PEX14: variants seen among roughly 807,000 people sequenced by gnomAD.
PEX14 encodes the protein peroxisomal membrane protein PEX14.
Under a neutral mutation model 49.5 loss-of-function variants are expected in PEX14, and 15 were observed. The observed-to-expected ratio is 0.30, with a 90% CI of 0.20 to 0.47. The LOEUF (loss-of-function observed/expected upper bound fraction) is 0.47. Among genes scored for constraint, PEX14 ranks in the 20% least tolerant of loss-of-function variants. The pLI is 1.00. For synonymous variants in PEX14, 210 were observed against 212.7 expected, an observed-to-expected ratio of 0.99 and a Z score of 0.11; for missense variants, 398 against 494.8, an observed-to-expected ratio of 0.80 and a Z score of 1.86.
intron 3 of PEX14, among the ~76,000 whole-genome samples, chr1:10,574,232 G>A (rs1484618978): frequency 6.6e-6 from 1 of 152,170 alleles, no homozygotes; most frequent in Non-Finnish European, 1.5e-5. Context: ...TGGTCAATGG[G>A]TCTGCATGAA....
At chr1:10,585,324 T>C (rs894313289) in intron 3 of PEX14, among the ~76,000 whole-genome samples, 28 of 151,828 alleles carry the variant, frequency 1.8e-4, no homozygotes, top group Non-Finnish European at 1.5e-5. Flanking sequence ...AGAGAAAAAC[T>C]GAATTAAAAA....
At chr1:10,595,782 G>A (rs1442229017) in intron 3 of PEX14, among the ~76,000 whole-genome samples, 1 of 152,150 alleles carries the variant, frequency 6.6e-6, no homozygotes, top group East Asian at 1.9e-4. Flanking sequence ...AAGTGTCTGT[G>A]TCTAATTTGC....
intron 3 of PEX14, among the ~76,000 whole-genome samples, chr1:10,570,851 T>TGTTTTTG (rs1557850877): frequency 7.2e-6 from 1 of 138,438 alleles, no homozygotes; most frequent in Admixed American, 7.4e-5. Context: ...CAACAGGGTT[T>TGTTTTTG]TTTTTTTTTT....
chr1:10,598,666 G>A (rs565103298), intron 3 of PEX14, among the ~76,000 whole-genome samples: 15 of 152,230 alleles, frequency 9.9e-5, no homozygotes, highest in Non-Finnish European at 1.8e-4. Flanking sequence ...GTTTTGATCT[G>A]TTTTCTTGTT....
chr1:10,530,901 C>G (rs1031932559), intron 2 of PEX14, among the ~76,000 whole-genome samples: 3 of 152,162 alleles, frequency 2.0e-5, no homozygotes, highest in African/African-American at 7.2e-5. Flanking sequence ...CCGACGCTTG[C>G]TTTCTTTTGC....
chr1:10,500,472 TCTC>T (rs1170071195), intron 2 of PEX14, among the ~76,000 whole-genome samples: 1 of 151,336 alleles, frequency 6.6e-6, no homozygotes, highest in African/African-American at 2.4e-5. Flanking sequence ...CCTGGCACAG[TCTC>T]CTCAGCATTT....
intron 3 of PEX14, among the ~76,000 whole-genome samples, chr1:10,577,214 T>C (rs1348148123): frequency 6.6e-6 from 1 of 151,042 alleles, no homozygotes; most frequent in African/African-American, 2.4e-5. Flanking sequence ...CTGGCCAACA[T>C]GGCGAAACCC....
At chr1:10,580,568 A>G (rs989793910) in intron 3 of PEX14, among the ~76,000 whole-genome samples, 7 of 152,118 alleles carry the variant, frequency 4.6e-5, no homozygotes, top group African/African-American at 1.7e-4. Flanking sequence ...AATAAAATGT[A>G]TTATCAATAT....
intron 2 of PEX14, among the ~76,000 whole-genome samples, chr1:10,518,489 A>C (rs1642009717): frequency 6.6e-6 from 1 of 152,100 alleles, no homozygotes. Flanking sequence ...ATAAAATATA[A>C]AGGCCAGTTC....
intron 3 of PEX14, among the ~76,000 whole-genome samples, chr1:10,577,596 T>A (rs1570296193): frequency 5.3e-5 from 2 of 37,828 alleles, no homozygotes; most frequent in Non-Finnish European, 9.3e-5. Flanking sequence ...TTTTTTTTTT[T>A]TTTTTTTTTT....
chr1:10,552,062 C>T (rs1464257238), intron 3 of PEX14, among the ~76,000 whole-genome samples: 1 of 151,874 alleles, frequency 6.6e-6, no homozygotes, highest in Non-Finnish European at 1.5e-5. Flanking sequence ...TGCTGCACTC[C>T]AGCCTGGGCG....
chr1:10,533,184 A>G (rs1231190219), intron 2 of PEX14, among the ~76,000 whole-genome samples: 4 of 152,004 alleles, frequency 2.6e-5, no homozygotes. Context: ...TATTCAGCAC[A>G]TTAGGTTGGG....
At chr1:10,570,676 GTGATCT>G (rs1639945135) in intron 3 of PEX14, among the ~76,000 whole-genome samples, 1 of 151,962 alleles carries the variant, frequency 6.6e-6, no homozygotes, top group African/African-American at 2.4e-5. Flanking sequence ...CAAATGTCTG[GTGATCT>G]TTGGCTATCC....
chr1:10,583,951 C>A (rs1640406630), intron 3 of PEX14, among the ~76,000 whole-genome samples: 1 of 151,474 alleles, frequency 6.6e-6, no homozygotes, highest in South Asian at 2.1e-4. Flanking sequence ...TTGTGTAGGG[C>A]AACAGTATCT....
At chr1:10,578,002 A>G (rs1034180333) in intron 3 of PEX14, among the ~76,000 whole-genome samples, 1 of 151,970 alleles carries the variant, frequency 6.6e-6, no homozygotes, top group Middle Eastern at 3.2e-3. Flanking sequence ...GTATTCCCCA[A>G]TCCATCAGGT....
intron 3 of PEX14, among the ~76,000 whole-genome samples, chr1:10,563,449 A>G (rs1282196821): frequency 3.3e-5 from 5 of 151,200 alleles, no homozygotes; most frequent in Non-Finnish European, 2.9e-5. Flanking sequence ...AAAATACAAA[A>G]TTTTTGCATT....
intron 4 of PEX14, among the ~76,000 whole-genome samples, chr1:10,609,975 C>T (rs1328813075): frequency 6.6e-6 from 1 of 150,898 alleles, no homozygotes; most frequent in Non-Finnish European, 1.5e-5. Flanking sequence ...TTTACCGTAA[C>T]ATAATGGTTT....
intron 3 of PEX14, among the ~76,000 whole-genome samples, chr1:10,550,789 G>C (rs542059271): frequency 6.6e-6 from 1 of 152,212 alleles, no homozygotes; most frequent in Non-Finnish European, 1.5e-5. Context: ...TGTAGTCTGC[G>C]CCTGTGCTCT....
intron 4 of PEX14, among the ~76,000 whole-genome samples, chr1:10,602,344 G>A (rs575924727): frequency 6.6e-5 from 10 of 151,140 alleles, no homozygotes; most frequent in South Asian, 6.3e-4. Flanking sequence ...TTCTCATACC[G>A]TTACATTGCT....
Sources: allele counts gnomAD v4.1 joint callset (sites outside exome capture counted in the v4.1 genomes callset), GRCh38; gene constraint gnomAD v4.1.1; transcripts MANE v1.5; gene names NCBI Gene and HGNC (gene_info 2026-07-23, HGNC 2026-07-21).